Variants in CNTNAP5 observed in about 807,000 individuals in gnomAD.
CNTNAP5 encodes the protein contactin-associated protein-like 5.
Under a neutral mutation model 150.2 loss-of-function variants are expected in CNTNAP5, and 72 were observed. The ratio of observed to expected loss-of-function variants is 0.48; its 90% confidence interval spans 0.40 to 0.58. The LOEUF (loss-of-function observed/expected upper bound fraction) is 0.58. Among genes scored for constraint, CNTNAP5 ranks in the 20% least tolerant of loss-of-function variants. The probability of loss-of-function intolerance (pLI) is 0.00; values close to 1 mark genes in which losing one functional copy is unlikely to be tolerated. For missense variants in CNTNAP5, 1,636 were observed against 1,626.2 expected, an observed-to-expected ratio of 1.01 and a Z score of -0.10; for synonymous variants, 672 against 619.8, an observed-to-expected ratio of 1.08 and a Z score of -1.25.
intron 20 of CNTNAP5, among the ~76,000 whole-genome samples, chr2:124,867,792 A>C (rs1398507195): frequency 1.3e-5 from 2 of 152,156 alleles, no homozygotes; most frequent in East Asian, 3.9e-4. Context: ...TGTGTATCTA[A>C]CACTAATCCT....
At position 124,361,567 on chromosome 2, in the gene CNTNAP5, C is replaced by T. The variant is rs1175199231; in HGVS notation, c.382-55876C>T. 3.4e-5 allele frequency among the ~76,000 whole-genome samples: 5 copies of T among 145,110 alleles called. 1 individual carries two copies. The East Asian group carries it at 7.9e-4, about 23-fold the overall frequency. ...CTGCAGGTCTGTTGGAATACCCTGC[C>T]TTGTGAGGTGTCAGTGTGCCCCTGC... On this transcript the variant is annotated intron_variant, in intron 3 of 23. Coordinates refer to ENST00000682447, the MANE Select transcript of CNTNAP5 (RefSeq NM_001367498.1).
chr2:124,321,443 CAAAA>C (rs5834060), intron 3 of CNTNAP5, among the ~76,000 whole-genome samples: 2 of 132,768 alleles, frequency 1.5e-5, no homozygotes, highest in African/African-American at 5.4e-5. Context: ...AACTCTATCT[CAAAA>C]AAAAAAAAAG....
In CNTNAP5 at chr2:124,759,703, A is replaced by T. The variant is rs558927287; in HGVS notation, c.2235-3969A>T. 1.0e-3 allele frequency among the ~76,000 whole-genome samples: 154 copies of T among 152,004 alleles called. 1 individual carries two copies. Among genetic ancestry groups the T allele is most frequent in the South Asian group, 7.9e-3 (38 of 4,824 alleles). On this transcript the variant is annotated intron_variant, in intron 14 of 23. Transcript: ENST00000682447. ...ATAGAAAATAAAATAGTTTCTGAAC[A>T]TTTTAAATACATACTTTATTTGCCT...
chr2:124,381,941 T>G (rs1456024793), intron 3 of CNTNAP5, among the ~76,000 whole-genome samples: 2 of 151,892 alleles, frequency 1.3e-5, no homozygotes, highest in Non-Finnish European at 2.9e-5. Context: ...AGGAAGGAAA[T>G]GACAAAAGCG....
At chr2:124,175,750 G>T (rs371081680) in intron 1 of CNTNAP5, among the ~76,000 whole-genome samples, 18 of 152,326 alleles carry the variant, frequency 1.2e-4, no homozygotes, top group African/African-American at 4.3e-4. Flanking sequence ...TGTTGCTGCA[G>T]AGGACATGGC....
chr2:124,145,655 GA>G (rs1337603436), intron 1 of CNTNAP5, among the ~76,000 whole-genome samples: 1 of 66,822 alleles, frequency 1.5e-5, no homozygotes, highest in Non-Finnish European at 2.7e-5. Context: ...GGGGTCGGGG[GA>G]GGGGGGAGGG....
intron 19 of CNTNAP5, among the ~76,000 whole-genome samples, chr2:124,814,118 T>A (rs1344438008): frequency 1.3e-5 from 2 of 152,100 alleles, no homozygotes; most frequent in African/African-American, 4.8e-5. Context: ...TTTCCTTTTT[T>A]TTTTATGATT....
chr2:124,759,189 G>T (rs1680903887), intron 14 of CNTNAP5, among the ~76,000 whole-genome samples: 1 of 151,748 alleles, frequency 6.6e-6, no homozygotes, highest in Non-Finnish European at 1.5e-5. Flanking sequence ...GTTCCAGAGA[G>T]AGATATATAT....
chr2:124,052,852 C>T (rs1029562170), intron 1 of CNTNAP5, among the ~76,000 whole-genome samples: 37 of 152,316 alleles, frequency 2.4e-4, no homozygotes, highest in African/African-American at 7.5e-4. Context: ...GTTCCCTGCC[C>T]ACATGTCATT....
chr2:124,851,316 A>G (rs941893472), intron 19 of CNTNAP5, among the ~76,000 whole-genome samples: 3 of 152,324 alleles, frequency 2.0e-5, no homozygotes, highest in Admixed American at 2.0e-4. Context: ...AGACCTTGCC[A>G]CTGCACTCCA....
At chr2:124,477,718 T>C (rs561244098) in intron 7 of CNTNAP5, among the ~76,000 whole-genome samples, 32 of 151,542 alleles carry the variant, frequency 2.1e-4, no homozygotes, top group African/African-American at 7.5e-4. Context: ...GCACACTCAT[T>C]CCTATCCCTT....
intron 1 of CNTNAP5, among the ~76,000 whole-genome samples, chr2:124,167,970 T>C (rs1383693299): frequency 6.6e-6 from 1 of 152,162 alleles, no homozygotes; most frequent in African/African-American, 2.4e-5. Flanking sequence ...GGCACGTTTT[T>C]ATTCCAATGC....
At chr2:124,664,216 G>C (rs1002039823) in intron 13 of CNTNAP5, among the ~76,000 whole-genome samples, 2 of 151,812 alleles carry the variant, frequency 1.3e-5, no homozygotes, top group Non-Finnish European at 2.9e-5. Flanking sequence ...CCAGCACTTC[G>C]GGAGGCTGAG....
intron 3 of CNTNAP5, among the ~76,000 whole-genome samples, chr2:124,243,052 C>T (rs1686926086): frequency 6.6e-6 from 1 of 152,208 alleles, no homozygotes; most frequent in Non-Finnish European, 1.5e-5. Flanking sequence ...CAGCCCCACA[C>T]TCTTGACCTC....
chr2:124,643,592 A>T (rs567148660), intron 12 of CNTNAP5, among the ~76,000 whole-genome samples: 1 of 152,308 alleles, frequency 6.6e-6, no homozygotes, highest in African/African-American at 2.4e-5. Context: ...TTTGCAGAGT[A>T]TGTTCCCCAT....
intron 1 of CNTNAP5, among the ~76,000 whole-genome samples, chr2:124,143,985 T>G (rs896438369): frequency 6.6e-6 from 1 of 151,740 alleles, no homozygotes; most frequent in African/African-American, 2.4e-5. Context: ...ACAAACATTC[T>G]TATACAACAA....
At chr2:124,883,246 G>A (rs1678004570) in intron 21 of CNTNAP5, among the ~76,000 whole-genome samples, 2 of 151,854 alleles carry the variant, frequency 1.3e-5, no homozygotes, top group South Asian at 4.2e-4. Context: ...ATTTTGTATA[G>A]AGATGGGCTT....
chr2:124,604,031 A>G (rs1275134676), intron 11 of CNTNAP5, among the ~76,000 whole-genome samples: 1 of 152,186 alleles, frequency 6.6e-6, no homozygotes, highest in African/African-American at 2.4e-5. Flanking sequence ...CATGGTCCCA[A>G]AATTGACTCA....
At chr2:124,879,775 T>C (rs781166128) in intron 21 of CNTNAP5, among the ~76,000 whole-genome samples, 5 of 152,156 alleles carry the variant, frequency 3.3e-5, no homozygotes, top group Non-Finnish European at 7.4e-5. Flanking sequence ...GATATCCCTC[T>C]TCCTTGCCGA....
Sources: allele counts gnomAD v4.1 joint callset (sites outside exome capture counted in the v4.1 genomes callset), GRCh38; gene constraint gnomAD v4.1.1; transcripts MANE v1.5; gene names NCBI Gene and HGNC (gene_info 2026-07-23, HGNC 2026-07-21).